Variants in HS3ST4 observed in about 807,000 individuals in gnomAD.
HS3ST4 encodes heparan sulfate-glucosamine 3-sulfotransferase 4, also known as heparan sulfate glucosamine 3-O-sulfotransferase 4.
In HS3ST4, 17 loss-of-function variants were observed where a neutral mutation model predicts 29.2. The ratio of observed to expected loss-of-function variants is 0.58; its 90% confidence interval spans 0.40 to 0.87. The LOEUF is 0.87. HS3ST4 is among the 40% of genes least tolerant of loss of function. The probability of loss-of-function intolerance (pLI) is 0.00; values close to 1 mark genes in which losing one functional copy is unlikely to be tolerated. For missense variants in HS3ST4, 627 were observed against 634.5 expected, an observed-to-expected ratio of 0.99 and a Z score of 0.13; for synonymous variants, 314 against 285.7, an observed-to-expected ratio of 1.10 and a Z score of -1.00.
At chr16:25,856,572 C>G (rs139828797) in intron 1 of HS3ST4, among the ~76,000 whole-genome samples, 24 of 152,104 alleles carry the variant, frequency 1.6e-4, no homozygotes, top group African/African-American at 5.8e-4. Context: ...TTTTGACTTC[C>G]TGGGCCACAA....
intron 1 of HS3ST4, among the ~76,000 whole-genome samples, chr16:25,884,482 C>A (rs1967929013): frequency 1.3e-5 from 2 of 152,188 alleles, no homozygotes; most frequent in South Asian, 4.1e-4. Flanking sequence ...GTTATCATTT[C>A]ATTTACTTAT....
At chr16:26,040,417 C>A (rs899539701) in intron 1 of HS3ST4, among the ~76,000 whole-genome samples, 3 of 151,924 alleles carry the variant, frequency 2.0e-5, no homozygotes, top group African/African-American at 4.8e-5. Context: ...GATTCTCCTG[C>A]CTCAGCCTCC....
At chr16:25,921,744 C>T (rs1459809462) in intron 1 of HS3ST4, among the ~76,000 whole-genome samples, 2 of 149,830 alleles carry the variant, frequency 1.3e-5, no homozygotes, top group Non-Finnish European at 3.0e-5. Flanking sequence ...TTTCTCTCTT[C>T]TAAGTTTTTT....
Position 25,692,734 on chromosome 16 carries a change from C to G in HS3ST4, c.317C>G (p.Ala106Gly). 1 of 1,278,214 alleles carries G rather than the reference C, an allele frequency of 7.8e-7. No homozygotes were observed. The highest frequency in any genetic ancestry group is 9.8e-7 in the Non-Finnish European group (1 of 1,016,042). The allele number at this position is 1,278,214 out of a possible 1,614,324, so 79.2% of individuals were successfully genotyped here. A position where few individuals can be genotyped will look rare whatever the true frequency, so the allele number is the denominator to read the frequency against. Residue 106 changes from alanine (A) to glycine (G), a missense_variant, in exon 1 of 2, where the codon GCG (alanine) becomes GGG (glycine). By Grantham distance (60) the Ala-to-Gly change is moderately conservative. This residue lies in a region of HS3ST4 where 402 missense variants were observed against 340.8 expected (regional missense o/e 1.18). Coordinates refer to ENST00000331351, the MANE Select transcript of HS3ST4 (RefSeq NM_006040.3). ...CCCGCGCCGCCGCCGCTGGACAACG[C>G]GAGCCACGGGGAGCCGCCCGAGCCC... is the stretch of plus-strand genomic sequence containing the variant. ...QPPAPPPLDN[A>G]SHGEPPEPPE... is the part of the protein sequence containing the mutation.
intron 1 of HS3ST4, among the ~76,000 whole-genome samples, chr16:25,720,222 C>T (rs1286435049): frequency 1.3e-5 from 2 of 152,112 alleles, no homozygotes; most frequent in East Asian, 1.9e-4. Context: ...AGCCTTAATG[C>T]ATGGCTGTGA....
chr16:25,904,201 T>G (rs1031993282), intron 1 of HS3ST4, among the ~76,000 whole-genome samples: 10 of 151,874 alleles, frequency 6.6e-5, no homozygotes, highest in Admixed American at 5.9e-4. Flanking sequence ...GACAGATGAA[T>G]GGATGGATGG....
intron 1 of HS3ST4, among the ~76,000 whole-genome samples, chr16:25,694,735 T>C (rs1230740845): frequency 6.6e-6 from 1 of 151,802 alleles, no homozygotes; most frequent in Non-Finnish European, 1.5e-5. Context: ...GTTTCTTCTG[T>C]GGAGTAGCTT....
At chr16:25,890,474 A>G (rs1243820220) in intron 1 of HS3ST4, among the ~76,000 whole-genome samples, 2 of 152,204 alleles carry the variant, frequency 1.3e-5, no homozygotes, top group Non-Finnish European at 2.9e-5. Context: ...ACATTAGCTC[A>G]TGGAGAAGGA....
chr16:26,005,881 G>T (rs1158480939), intron 1 of HS3ST4, among the ~76,000 whole-genome samples: 2 of 152,250 alleles, frequency 1.3e-5, no homozygotes, highest in East Asian at 3.9e-4. Context: ...ATATTTAGAA[G>T]CATCCCTGGC....
At chr16:25,992,820 AC>A (rs1294253581) in intron 1 of HS3ST4, among the ~76,000 whole-genome samples, 1 of 152,202 alleles carries the variant, frequency 6.6e-6, no homozygotes, top group Non-Finnish European at 1.5e-5. Context: ...GGAAAAAATA[AC>A]CCCAAGCCAC....
intron 1 of HS3ST4, among the ~76,000 whole-genome samples, chr16:25,956,234 T>C (rs950484167): frequency 6.6e-6 from 1 of 152,246 alleles, no homozygotes; most frequent in African/African-American, 2.4e-5. Context: ...ATTTTTCAAA[T>C]GCCTCCATGA....
At chr16:25,752,075 T>C (rs1966725273) in intron 1 of HS3ST4, among the ~76,000 whole-genome samples, 1 of 152,146 alleles carries the variant, frequency 6.6e-6, no homozygotes, top group African/African-American at 2.4e-5. Context: ...CAGACCAGCT[T>C]TGGAATACAA....
chr16:25,821,356 C>G (rs371100613), intron 1 of HS3ST4, among the ~76,000 whole-genome samples: 1 of 152,256 alleles, frequency 6.6e-6, no homozygotes, highest in East Asian at 1.9e-4. Context: ...TCTGTTATCA[C>G]TCATTTGATT....
intron 1 of HS3ST4, among the ~76,000 whole-genome samples, chr16:26,121,811 A>G (rs1411893803): frequency 6.6e-6 from 1 of 152,188 alleles, no homozygotes; most frequent in Non-Finnish European, 1.5e-5. Flanking sequence ...AAACACAACA[A>G]AATAGCTAAC....
At chr16:26,126,060 C>CCAGTCATTATTGCTAA (rs1899339670) in intron 1 of HS3ST4, among the ~76,000 whole-genome samples, 1 of 152,168 alleles carries the variant, frequency 6.6e-6, no homozygotes, top group African/African-American at 2.4e-5. Flanking sequence ...CTACTTTGAA[C>CCAGTCATTATTGCTAA]AGAAGTCCTT....
chr16:26,090,244 A>G (rs1297962344), intron 1 of HS3ST4, among the ~76,000 whole-genome samples: 1 of 151,986 alleles, frequency 6.6e-6, no homozygotes, highest in African/African-American at 2.4e-5. Flanking sequence ...AACCCACTCC[A>G]TCTGCCTGCA....
intron 1 of HS3ST4, among the ~76,000 whole-genome samples, chr16:25,961,634 G>C (rs544934802): frequency 6.6e-6 from 1 of 152,154 alleles, no homozygotes; most frequent in South Asian, 2.1e-4. Context: ...ACAGTGTGTC[G>C]GAGGGTAACT....
intron 1 of HS3ST4, among the ~76,000 whole-genome samples, chr16:25,777,153 G>C (rs758279952): frequency 6.6e-6 from 1 of 152,096 alleles, no homozygotes; most frequent in African/African-American, 2.4e-5. Flanking sequence ...CTTGACTCAC[G>C]CACATTAATC....
At chr16:26,013,180 C>G (rs1343947395) in intron 1 of HS3ST4, among the ~76,000 whole-genome samples, 4 of 151,932 alleles carry the variant, frequency 2.6e-5, no homozygotes, top group African/African-American at 9.7e-5. Context: ...TAAATACATA[C>G]ATAAAATAAA....
Sources: allele counts gnomAD v4.1 joint callset (sites outside exome capture counted in the v4.1 genomes callset), GRCh38; gene constraint gnomAD v4.1.1; regional missense constraint gnomAD v4.1.1; transcripts MANE v1.5; gene names NCBI Gene and HGNC (gene_info 2026-07-23, HGNC 2026-07-21).